Variants in SLC35D4 observed in about 807,000 individuals in gnomAD.
SLC35D4 encodes the protein UDP-N-acetylglucosamine transporter SLC35D4.
chr18:23,433,761 C>T, the SLC35D4 span, among the ~76,000 whole-genome samples: 8 of 151,504 alleles, frequency 5.3e-5, no homozygotes, highest in East Asian at 3.9e-4. Context: ...TTTCTTTCTA[C>T]GAATAAATAG....
chr18:23,313,767 C>T, the SLC35D4 span, among the ~76,000 whole-genome samples: 4 of 152,162 alleles, frequency 2.6e-5, no homozygotes, highest in Admixed American at 6.5e-5. Context: ...GCTGCCTCTT[C>T]GCTCCCCTCC....
At chr18:23,253,823 C>T in the SLC35D4 span, 3 of 1,614,238 alleles carry the variant, frequency 1.9e-6, no homozygotes, top group Non-Finnish European at 1.7e-6. Context: ...AAAGCTCGCC[C>T]TCAAGGGGAA....
At chr18:23,365,155 C>T in the SLC35D4 span, among the ~76,000 whole-genome samples, 5 of 152,016 alleles carry the variant, frequency 3.3e-5, no homozygotes, top group African/African-American at 4.8e-5. Flanking sequence ...TTTGGGGTAC[C>T]ATAGCAGGCC....
chr18:23,338,424 G>A, the SLC35D4 span, among the ~76,000 whole-genome samples: 1 of 152,188 alleles, frequency 6.6e-6, no homozygotes, highest in Non-Finnish European at 1.5e-5. Flanking sequence ...AGGAAGACCT[G>A]CCAACTGCTG....
At chr18:23,388,841 G>A in the SLC35D4 span, among the ~76,000 whole-genome samples, 693 of 152,128 alleles carry the variant, frequency 4.6e-3, 4 homozygotes, top group Non-Finnish European at 4.2e-3. Context: ...CTCCTGCTCC[G>A]CCATGGTAAG....
the SLC35D4 span, among the ~76,000 whole-genome samples, chr18:23,326,701 C>T: frequency 3.3e-5 from 5 of 152,138 alleles, no homozygotes; most frequent in African/African-American, 9.7e-5. Flanking sequence ...CACAAGCAGA[C>T]CTAATAGACA....
At chr18:23,266,417 A>C in the SLC35D4 span, among the ~76,000 whole-genome samples, 26 of 152,294 alleles carry the variant, frequency 1.7e-4, no homozygotes, top group South Asian at 1.0e-3. Context: ...AAAAAAAAAA[A>C]AAAAAACAAA....
the SLC35D4 span, among the ~76,000 whole-genome samples, chr18:23,275,197 C>A: frequency 6.6e-6 from 1 of 151,898 alleles, no homozygotes; most frequent in African/African-American, 2.4e-5. Context: ...GGGAACTTCG[C>A]AATGTTCTGC....
At chr18:23,308,132 G>T in the SLC35D4 span, among the ~76,000 whole-genome samples, 1 of 152,240 alleles carries the variant, frequency 6.6e-6, no homozygotes, top group Non-Finnish European at 1.5e-5. Flanking sequence ...TGCACAGGAT[G>T]TGGCCAGGGA....
At chr18:23,310,086 T>C in the SLC35D4 span, 2 of 451,218 alleles carry the variant, frequency 4.4e-6, no homozygotes, top group African/African-American at 4.3e-5. Flanking sequence ...AGAAAACTCA[T>C]TTCCATTTTG....
chr18:23,424,460 T>C, the SLC35D4 span, among the ~76,000 whole-genome samples: 7 of 152,136 alleles, frequency 4.6e-5, no homozygotes, highest in African/African-American at 1.7e-4. Flanking sequence ...AAGTCAAAAT[T>C]CCTGCCTTTG....
the SLC35D4 span, among the ~76,000 whole-genome samples, chr18:23,245,827 A>T: frequency 1.3e-5 from 2 of 152,244 alleles, no homozygotes; most frequent in African/African-American, 4.8e-5. Flanking sequence ...CTCTCGCTCC[A>T]TGAGCGGAAT....
the SLC35D4 span, among the ~76,000 whole-genome samples, chr18:23,391,043 T>C: frequency 4.6e-5 from 7 of 152,048 alleles, no homozygotes; most frequent in African/African-American, 1.7e-4. Flanking sequence ...TTGGCCAACA[T>C]GGTGAAACCC....
At chr18:23,411,876 A>G in the SLC35D4 span, among the ~76,000 whole-genome samples, 1 of 152,260 alleles carries the variant, frequency 6.6e-6, no homozygotes, top group Non-Finnish European at 1.5e-5. Flanking sequence ...CAAATAGAGC[A>G]TGCATTATTG....
At chr18:23,259,997 GC>G in the SLC35D4 span, 3 of 151,988 alleles carry the variant, frequency 2.0e-5, no homozygotes, top group African/African-American at 7.3e-5. Flanking sequence ...CCCGGAGCCA[GC>G]CTAGGGGGCC....
At chr18:23,247,410 G>A in the SLC35D4 span, among the ~76,000 whole-genome samples, 27 of 152,246 alleles carry the variant, frequency 1.8e-4, no homozygotes, top group African/African-American at 6.5e-4. Flanking sequence ...CTGGTGCAGA[G>A]CAGTGGCCTC....
At chr18:23,291,488 G>A in the SLC35D4 span, among the ~76,000 whole-genome samples, 1 of 152,364 alleles carries the variant, frequency 6.6e-6, no homozygotes, top group Admixed American at 6.5e-5. Context: ...TCTGCCCCAT[G>A]TGGCACTGAC....
chr18:23,353,931 T>A, the SLC35D4 span, among the ~76,000 whole-genome samples: 1 of 152,204 alleles, frequency 6.6e-6, no homozygotes, highest in Non-Finnish European at 1.5e-5. Flanking sequence ...ACAGTAAGAT[T>A]ACCTATCCCC....
At chr18:23,352,222 A>T in the SLC35D4 span, 1 of 1,612,550 alleles carries the variant, frequency 6.2e-7, no homozygotes, top group Non-Finnish European at 8.5e-7. Flanking sequence ...CAGGCTGCAC[A>T]CTGCCCTGGG....
Sources: gnomAD v4.1 joint callset for allele counts (sites outside exome capture counted in the v4.1 genomes callset) on GRCh38, gnomAD v4.1.1 for gene constraint, MANE v1.5 for transcripts, NCBI Gene and HGNC (gene_info 2026-07-23, HGNC 2026-07-21) for gene names.